Variants in CDYL2 observed in about 807,000 individuals in gnomAD.
CDYL2 encodes chromodomain Y like 2, also known as chromodomain Y-like protein 2.
CDYL2 carries 23 observed loss-of-function variants against 49.4 expected under a neutral mutation model. The ratio of observed to expected loss-of-function variants is 0.47; its 90% CI spans 0.34 to 0.66. The LOEUF is 0.66. Among genes scored for constraint, CDYL2 ranks in the 30% least tolerant of loss-of-function variants. The pLI is 0.01. For synonymous variants in CDYL2, 360 were observed against 268.8 expected (o/e 1.34, Z -3.32); for missense variants, 678 against 656.4 (o/e 1.03, Z -0.36).
intron 3 of CDYL2, among the ~76,000 whole-genome samples, chr16:80,630,997 A>G (rs1907536497): frequency 6.6e-6 from 1 of 152,084 alleles, no homozygotes; most frequent in South Asian, 2.1e-4. Flanking sequence ...TCCCATTGCT[A>G]TTATGAAAAA....
intron 1 of CDYL2, among the ~76,000 whole-genome samples, chr16:80,780,264 T>C (rs1907219957): frequency 6.6e-6 from 1 of 152,142 alleles, no homozygotes; most frequent in Non-Finnish European, 1.5e-5. Context: ...TTTAGGTGTA[T>C]ACAATAATGT....
At chr16:80,729,589 C>A (rs1475508738) in intron 1 of CDYL2, among the ~76,000 whole-genome samples, 2 of 152,102 alleles carry the variant, frequency 1.3e-5, no homozygotes, top group African/African-American at 4.8e-5. Flanking sequence ...CTCAGCTCTG[C>A]ACCAAGCAGA....
intron 4 of CDYL2, among the ~76,000 whole-genome samples, chr16:80,614,599 T>C (rs1906742953): frequency 6.6e-6 from 1 of 152,164 alleles, no homozygotes; most frequent in African/African-American, 2.4e-5. Flanking sequence ...GGCATGGTCA[T>C]TCACGCCTGT....
chr16:80,728,318 G>A (rs1015721366), intron 1 of CDYL2, among the ~76,000 whole-genome samples: 8 of 152,216 alleles, frequency 5.3e-5, no homozygotes, highest in South Asian at 2.1e-4. Context: ...CTCAGGAGCC[G>A]ATGCGATCAA....
At chr16:80,681,318 T>C (rs1909958394) in intron 2 of CDYL2, among the ~76,000 whole-genome samples, 1 of 152,126 alleles carries the variant, frequency 6.6e-6, no homozygotes, top group Non-Finnish European at 1.5e-5. Flanking sequence ...CCCTGGAGAC[T>C]GGATCCTTTA....
chr16:80,622,110 G>C (rs917025153), intron 3 of CDYL2, among the ~76,000 whole-genome samples: 1 of 152,200 alleles, frequency 6.6e-6, no homozygotes, highest in Admixed American at 6.5e-5. Flanking sequence ...ACAATGCCTA[G>C]TCTATGCACT....
In CDYL2 at chr16:80,602,654, T is replaced by G. The variant is rs1267494964; in HGVS notation, c.*1734A>C. On this transcript the variant is annotated 3_prime_UTR_variant, in exon 7 of 7. Coordinates refer to ENST00000570137, the MANE Select transcript of CDYL2 (RefSeq NM_152342.4). ...CTCTTCTAAGCCTGCCTCACCTCCA[T>G]AAGCTGTGCCCACTTCTTGCTGCCT... 1 of 151,970 alleles carries G rather than the reference T, an allele frequency of 6.6e-6. No homozygotes were observed. 9.4% of individuals were successfully genotyped at this position (151,970 alleles called of 1,614,324 possible). A position where few individuals can be genotyped will look rare whatever the true frequency, so the allele number is the denominator to read the frequency against.
At chr16:80,662,422 A>G (rs1233848554) in intron 2 of CDYL2, among the ~76,000 whole-genome samples, 1 of 152,096 alleles carries the variant, frequency 6.6e-6, no homozygotes, top group Admixed American at 6.5e-5. Context: ...AGCTCCAGGG[A>G]TATCTCTTCT....
intron 1 of CDYL2, among the ~76,000 whole-genome samples, chr16:80,792,974 C>T (rs1002835654): frequency 5.9e-5 from 9 of 152,178 alleles, no homozygotes; most frequent in Admixed American, 3.9e-4. Context: ...CAGAGCTGCC[C>T]ATAGAATCAG....
Position 80,716,424 on chromosome 16 carries a change from GGATGGGTA to G in CDYL2, c.25-31303_25-31296del, listed in dbSNP as rs199710684. 4.0e-3 allele frequency among the ~76,000 whole-genome samples: 614 copies of G among 152,294 alleles called. 3 individuals are homozygous for G. Among genetic ancestry groups the G allele is most frequent in the African/African-American group, 0.014 (590 of 41,556 alleles). ...TGGGTGGGTGGATGGATAGATGGGT[GGATGGGTA>G]GGTCGATGGATGGATGCATGGATGG... On this transcript the variant is annotated intron_variant, in intron 1 of 6. Coordinates refer to ENST00000570137, the MANE Select transcript of CDYL2 (RefSeq NM_152342.4).
At chr16:80,693,718 G>C (rs1358219488) in intron 1 of CDYL2, among the ~76,000 whole-genome samples, 1 of 152,128 alleles carries the variant, frequency 6.6e-6, no homozygotes, top group Non-Finnish European at 1.5e-5. Flanking sequence ...GAATCTTTAG[G>C]TGATTAAACT....
chr16:80,696,907 G>C (rs994755806), intron 1 of CDYL2, among the ~76,000 whole-genome samples: 2 of 152,160 alleles, frequency 1.3e-5, no homozygotes, highest in African/African-American at 4.8e-5. Flanking sequence ...GGAAGTGAGA[G>C]AATCACCTGA....
At chr16:80,752,957 C>G (rs193216992) in intron 1 of CDYL2, among the ~76,000 whole-genome samples, 4 of 152,252 alleles carry the variant, frequency 2.6e-5, no homozygotes, top group Admixed American at 2.0e-4. Context: ...TGAGGGGCAA[C>G]AGAAAGAATA....
rs68135845 is a variant in CDYL2, at chr16:80,672,318, TACACACACACAC to T, written c.616+12208_616+12219del. Among the ~76,000 whole-genome samples, 727 of 126,946 alleles carry T rather than the reference TACACACACACAC, an allele frequency of 5.7e-3. 5 individuals are homozygous for T. The highest frequency in any genetic ancestry group is 0.02 in the African/African-American group (688 of 35,258). The allele number at this position is 126,946 out of a possible 152,430, so 83.3% of individuals were successfully genotyped here. A position where few individuals can be genotyped will look rare whatever the true frequency, so the allele number is the denominator to read the frequency against. The stretch of plus-strand genomic sequence containing the variant: ...ATACAAGTGTTTTCATACAAAATGT[TACACACACACAC>T]ACACACACACACACACACACACAGA... On this transcript the variant is annotated intron_variant, in intron 2 of 6. Transcript: ENST00000570137.
chr16:80,772,790 A>C (rs979312752), intron 1 of CDYL2, among the ~76,000 whole-genome samples: 4 of 152,188 alleles, frequency 2.6e-5, no homozygotes, highest in Admixed American at 2.0e-4. Flanking sequence ...TCAAGTATAC[A>C]TATTGTAATT....
Position 80,601,214 on chromosome 16 carries a change from G to A in CDYL2, c.*3174C>T, listed in dbSNP as rs1286522273. 1 of 152,216 alleles carries A rather than the reference G, an allele frequency of 6.6e-6. No individual in the cohort carries two copies. The highest frequency in any genetic ancestry group is 2.4e-5 in the African/African-American group (1 of 41,426). 9.4% of individuals were successfully genotyped at this position (152,216 alleles called of 1,614,324 possible). On this transcript the variant is annotated 3_prime_UTR_variant, in exon 7 of 7. Coordinates refer to ENST00000570137, the MANE Select transcript of CDYL2 (RefSeq NM_152342.4). ...CACAAAGTCTTCTTGGAACAGGGTT[G>A]TTAACTCAGATGGTCCCATAAGATG...
intron 1 of CDYL2, among the ~76,000 whole-genome samples, chr16:80,800,457 ACT>A (rs1907891267): frequency 6.6e-6 from 1 of 151,916 alleles, no homozygotes; most frequent in African/African-American, 2.4e-5. Context: ...TTTCCCATAA[ACT>A]CTGTTATTCT....
chr16:80,671,090 C>A (rs1001235345), intron 2 of CDYL2: 1 of 434,816 alleles, frequency 2.3e-6, no homozygotes, highest in Non-Finnish European at 4.6e-6. Context: ...GCAGCCCCTA[C>A]CAAATCTCTT....
intron 1 of CDYL2, among the ~76,000 whole-genome samples, chr16:80,713,849 G>C (rs147040593): frequency 3.9e-4 from 59 of 152,240 alleles, no homozygotes; most frequent in African/African-American, 1.4e-3. Context: ...GGAAGCCCAA[G>C]CAAGCCCTCA....
Sources: allele counts gnomAD v4.1 joint callset (sites outside exome capture counted in the v4.1 genomes callset), GRCh38; gene constraint gnomAD v4.1.1; transcripts MANE v1.5; gene names NCBI Gene and HGNC (gene_info 2026-07-23, HGNC 2026-07-21).